TSPAN12: variants seen among roughly 807,000 people sequenced by gnomAD.
The protein encoded by TSPAN12 is tetraspanin-12.
In TSPAN12, 19 loss-of-function variants were observed where a neutral mutation model predicts 39.2. That is an observed-to-expected ratio of 0.49 (90% CI 0.34 to 0.71). The LOEUF is 0.71. Ranked by LOEUF, TSPAN12 falls within the 30% of genes least tolerant of loss-of-function variation. The pLI is 0.01. For missense variants in TSPAN12, 314 were observed against 359.9 expected (o/e 0.87, Z 1.03); for synonymous variants, 119 against 124.8 (o/e 0.95, Z 0.31).
At chr7:120,828,815 T>C (rs1337944152) in intron 4 of TSPAN12, among the ~76,000 whole-genome samples, 2 of 152,080 alleles carry the variant, frequency 1.3e-5, no homozygotes, top group South Asian at 4.1e-4. Context: ...ATACAGAATG[T>C]GAAACTGTAA....
At chr7:120,829,816 A>G (rs1794358063) in intron 4 of TSPAN12, among the ~76,000 whole-genome samples, 1 of 152,196 alleles carries the variant, frequency 6.6e-6, no homozygotes, top group South Asian at 2.1e-4. Flanking sequence ...TCAAATGTAT[A>G]TATCTAAAAA....
intron 4 of TSPAN12, among the ~76,000 whole-genome samples, chr7:120,827,441 A>G (rs1047607110): frequency 6.6e-6 from 1 of 152,216 alleles, no homozygotes; most frequent in Non-Finnish European, 1.5e-5. Flanking sequence ...ATAAGAACAT[A>G]ATTATTTGTG....
chr7:120,842,605 C>A (rs1794599305), intron 2 of TSPAN12, among the ~76,000 whole-genome samples: 1 of 152,030 alleles, frequency 6.6e-6, no homozygotes, highest in African/African-American at 2.4e-5. Context: ...GAGAAACAGG[C>A]ATGGTATGTT....
intron 1 of TSPAN12, chr7:120,857,094 C>G (rs1015807855): frequency 2.4e-6 from 1 of 419,804 alleles, no homozygotes; most frequent in African/African-American, 2.0e-5. Context: ...ACAGTAAACT[C>G]GCGTTCTCAG....
At position 120,841,103 on chromosome 7, in the gene TSPAN12, G is replaced by A. The variant is rs114354814; in HGVS notation, c.67-994C>T. ...ACTGCATTAAATGAAAGGCTGGTGG[G>A]AAGTCAGAATAGAGAAAGTAGGCAG... On this transcript the variant is annotated intron_variant, in intron 2 of 7. Transcript: ENST00000222747. Among the ~76,000 whole-genome samples the A allele has an allele frequency of 5.0e-3, 764 of 152,300 alleles. 6 individuals carry two copies. The highest frequency in any genetic ancestry group is 0.017 in the African/African-American group (717 of 41,550).
At chr7:120,832,305 T>G (rs1794404147) in intron 4 of TSPAN12, among the ~76,000 whole-genome samples, 1 of 152,172 alleles carries the variant, frequency 6.6e-6, no homozygotes, top group South Asian at 2.1e-4. Flanking sequence ...AAACACGCAT[T>G]GGTTCTTTAC....
At chr7:120,819,062 A>G (rs1794138256) in intron 4 of TSPAN12, among the ~76,000 whole-genome samples, 4 of 152,118 alleles carry the variant, frequency 2.6e-5, no homozygotes, top group Admixed American at 1.3e-4. Context: ...AGAGACAGTG[A>G]GACTCCAGAG....
rs1365730885 is a variant in TSPAN12 at position 120,815,774 on chromosome 7, A to G, written c.315T>C (p.Cys105=). 1.2e-6 allele frequency: 2 copies of G among 1,613,106 alleles called. No individual in the cohort carries two copies. The highest frequency in any genetic ancestry group is 2.7e-5 in the African/African-American group (2 of 75,040). The stretch of plus-strand genomic sequence containing the variant: ...TCCAAACGCCACAAGCCAGTTCTAC[A>G]CAGAAAATGACAAGCAAACTTCCAA... The part of the protein sequence containing the change: ...WYFGSLLVIF[C]VELACGVWTY... Residue 105 remains cysteine (C), a synonymous_variant, in exon 5 of 8, where the codon TGT becomes TGC. Coordinates refer to ENST00000222747, the MANE Select transcript of TSPAN12 (RefSeq NM_012338.4).
chr7:120,857,787 G>C (rs1398718970), intron 1 of TSPAN12, 33 bp downstream of exon 1: 3 of 152,302 alleles, frequency 2.0e-5, no homozygotes, highest in Non-Finnish European at 4.4e-5. Flanking sequence ...CGGGACAGCG[G>C]GCAGGAAAGG....
intron 4 of TSPAN12, among the ~76,000 whole-genome samples, chr7:120,827,225 T>C (rs776168153): frequency 1.3e-5 from 2 of 152,204 alleles, no homozygotes; most frequent in Non-Finnish European, 2.9e-5. Flanking sequence ...ATAAATACTT[T>C]ATTTTTGTAT....
chr7:120,838,382 A>G (rs1474178430), intron 4 of TSPAN12, among the ~76,000 whole-genome samples: 1 of 152,194 alleles, frequency 6.6e-6, no homozygotes, highest in East Asian at 1.9e-4. Context: ...TACGTCTGCT[A>G]CCTCACAACC....
intron 4 of TSPAN12, among the ~76,000 whole-genome samples, chr7:120,821,945 CA>C (rs1794195531): frequency 6.6e-6 from 1 of 151,242 alleles, no homozygotes; most frequent in African/African-American, 2.4e-5. Flanking sequence ...TGGTATTTTC[CA>C]AAACATCTTT....
intron 7 of TSPAN12, among the ~76,000 whole-genome samples, chr7:120,799,595 A>C (rs1793713276): frequency 8.8e-6 from 1 of 113,296 alleles, no homozygotes; most frequent in Non-Finnish European, 1.7e-5. Context: ...TAATAATATA[A>C]TTATATATAA....
chr7:120,836,608 A>C (rs1794481860), intron 4 of TSPAN12, among the ~76,000 whole-genome samples: 1 of 152,188 alleles, frequency 6.6e-6, no homozygotes. Context: ...TGCAAACCCT[A>C]TTAGAGGTCT....
At chr7:120,845,919 A>G (rs1794660321) in intron 2 of TSPAN12, among the ~76,000 whole-genome samples, 1 of 152,178 alleles carries the variant, frequency 6.6e-6, no homozygotes, top group Non-Finnish European at 1.5e-5. Context: ...AATTTTCTGT[A>G]TTAGCCCATT....
intron 5 of TSPAN12, among the ~76,000 whole-genome samples, chr7:120,812,724 T>A (rs528898668): frequency 1.3e-3 from 200 of 152,244 alleles, no homozygotes; most frequent in African/African-American, 4.6e-3. Flanking sequence ...AGGGAACTAG[T>A]CAAAGTTCAA....
chr7:120,850,369 G>T (rs1250530605), intron 2 of TSPAN12, among the ~76,000 whole-genome samples: 1 of 152,134 alleles, frequency 6.6e-6, no homozygotes, highest in African/African-American at 2.4e-5. Context: ...CATTGTCCTA[G>T]TTGCCATGAT....
chr7:120,845,816 T>C (rs904384556), intron 2 of TSPAN12, among the ~76,000 whole-genome samples: 1 of 152,226 alleles, frequency 6.6e-6, no homozygotes, highest in Non-Finnish European at 1.5e-5. Context: ...CTTCTGAGCC[T>C]TTCAAACTGT....
At chr7:120,810,649 C>CGT in intron 5 of TSPAN12, 79 bp from the exon 6 acceptor site, 1 of 789,088 alleles carries the variant, frequency 1.3e-6, no homozygotes, top group Non-Finnish European at 2.3e-6. Context: ...CACACACACA[C>CGT]ACACACGTAC....
Sources: gnomAD v4.1 joint callset for allele counts (sites outside exome capture counted in the v4.1 genomes callset) on GRCh38, gnomAD v4.1.1 for gene constraint, MANE v1.5 for transcripts, NCBI Gene and HGNC (gene_info 2026-07-23, HGNC 2026-07-21) for gene names.